MTUS2: variants seen among roughly 807,000 people sequenced by gnomAD.
MTUS2 encodes microtubule-associated tumor suppressor candidate 2.
A neutral mutation model predicts 114.1 loss-of-function variants in MTUS2; 40 were observed. That is an observed-to-expected ratio of 0.35 (90% CI 0.27 to 0.46). MTUS2 has a LOEUF of 0.46. MTUS2 is among the 20% of genes least tolerant of loss of function. The probability of loss-of-function intolerance (pLI) is 1.00; values close to 1 mark genes in which losing one functional copy is unlikely to be tolerated. For missense variants in MTUS2, 1,679 were observed against 1,705.4 expected, an observed-to-expected ratio of 0.98 and a Z score of 0.27; for synonymous variants, 688 against 672.0, an observed-to-expected ratio of 1.02 and a Z score of -0.37.
chr13:29,381,875 T>C (rs1872235868), intron 8 of MTUS2, among the ~76,000 whole-genome samples: 1 of 152,148 alleles, frequency 6.6e-6, no homozygotes, highest in Non-Finnish European at 1.5e-5. Context: ...AGTGAGAATA[T>C]AATGAGGGTG....
At chr13:29,115,293 G>GTACAT (rs1891044679) in intron 5 of MTUS2, among the ~76,000 whole-genome samples, 1 of 152,182 alleles carries the variant, frequency 6.6e-6, no homozygotes. Flanking sequence ...TATGCAGGTC[G>GTACAT]TACATTTGTG....
At chr13:29,043,401 C>G (rs1395116112) in intron 4 of MTUS2, among the ~76,000 whole-genome samples, 1 of 151,964 alleles carries the variant, frequency 6.6e-6, no homozygotes, top group African/African-American at 2.4e-5. Flanking sequence ...AATGTACATT[C>G]TGTAGTTGTT....
chr13:29,013,399 TA>T (rs1885933202), intron 2 of MTUS2, among the ~76,000 whole-genome samples: 1 of 152,174 alleles, frequency 6.6e-6, no homozygotes, highest in African/African-American at 2.4e-5. Context: ...AAACTAAATT[TA>T]AAAAAATTGC....
At chr13:29,483,235 G>A (rs1043968844) in intron 10 of MTUS2, among the ~76,000 whole-genome samples, 4 of 152,226 alleles carry the variant, frequency 2.6e-5, no homozygotes, top group African/African-American at 9.6e-5. Context: ...GCAGGGGCAG[G>A]TGCTGCTTCA....
intron 2 of MTUS2, among the ~76,000 whole-genome samples, chr13:28,863,921 C>T (rs546215222): frequency 6.6e-6 from 1 of 152,122 alleles, no homozygotes; most frequent in African/African-American, 2.4e-5. Context: ...GTCTTGAGCT[C>T]CTGGGCTCAA....
At chr13:29,121,881 A>C (rs1891325492) in intron 5 of MTUS2, among the ~76,000 whole-genome samples, 1 of 150,992 alleles carries the variant, frequency 6.6e-6, no homozygotes, top group African/African-American at 2.4e-5. Context: ...GTTGGTCTTG[A>C]CCTCCCAACC....
intron 9 of MTUS2, among the ~76,000 whole-genome samples, chr13:29,464,150 G>T (rs1879723396): frequency 6.6e-6 from 1 of 152,220 alleles, no homozygotes; most frequent in Non-Finnish European, 1.5e-5. Context: ...GATGTGGAAG[G>T]TGCCTGCAAG....
chr13:28,934,734 G>C (rs1403772424), intron 2 of MTUS2, among the ~76,000 whole-genome samples: 1 of 152,162 alleles, frequency 6.6e-6, no homozygotes, highest in African/African-American at 2.4e-5. Context: ...TGTTGGTCAG[G>C]CTGGTCTTGA....
chr13:28,876,086 TG>T (rs888221236), intron 2 of MTUS2, among the ~76,000 whole-genome samples: 1 of 152,222 alleles, frequency 6.6e-6, no homozygotes, highest in Non-Finnish European at 1.5e-5. Flanking sequence ...TTTCTGCCTT[TG>T]CCTCTGCCTT....
intron 11 of MTUS2, 76 bp downstream of exon 11, chr13:29,488,081 GC>G (rs761394736): frequency 2.9e-5 from 33 of 1,133,580 alleles, no homozygotes; most frequent in African/African-American, 4.6e-5. Context: ...GATGTGTGGA[GC>G]CCCCCTTCCT....
intron 10 of MTUS2, chr13:29,484,214 T>G (rs1881421907): frequency 6.6e-6 from 1 of 152,230 alleles, no homozygotes; most frequent in Non-Finnish European, 1.5e-5. Flanking sequence ...AGGAAATCAT[T>G]TTAGACTAAA....
chr13:29,453,348 G>A (rs1878873524), intron 9 of MTUS2, among the ~76,000 whole-genome samples: 1 of 152,212 alleles, frequency 6.6e-6, no homozygotes, highest in Non-Finnish European at 1.5e-5. Flanking sequence ...CTCTGGCCCA[G>A]GGATTAGCAC....
At chr13:28,879,998 G>GATA (rs1878191627) in intron 2 of MTUS2, among the ~76,000 whole-genome samples, 1 of 152,160 alleles carries the variant, frequency 6.6e-6, no homozygotes, top group Non-Finnish European at 1.5e-5. Context: ...GAAAGGACCT[G>GATA]ATATATTGAG....
intron 8 of MTUS2, among the ~76,000 whole-genome samples, chr13:29,425,960 C>G (rs559243763): frequency 6.6e-6 from 1 of 152,250 alleles, no homozygotes; most frequent in East Asian, 1.9e-4. Context: ...GTATAGAGCA[C>G]TCTAAACTCT....
chr13:29,325,857 C>T (rs9506139), intron 7 of MTUS2, among the ~76,000 whole-genome samples: 93,685 of 152,100 alleles, frequency 0.62, 29,626 homozygotes, highest in East Asian at 0.76. Flanking sequence ...TTAATTTGCC[C>T]AAAGTCACAG....
rs145527218 is a variant in MTUS2 at position 29,126,707 on chromosome 13, A to G, written c.2644+25737A>G. On this transcript the variant is annotated intron_variant, in intron 5 of 15. Coordinates refer to ENST00000612955, the MANE Select transcript of MTUS2 (RefSeq NM_001033602.4). ...GTGGCCCAAGACAATTCTTCTTTCA[A>G]TGTGGCCCAGGGAAGCTACATATTG... Among the ~76,000 whole-genome samples the G allele has an allele frequency of 1.0e-3, 156 of 152,042 alleles. 1 individual carries two copies. Among genetic ancestry groups the G allele is most frequent in the African/African-American group, 3.4e-3 (140 of 41,472 alleles).
At chr13:29,429,773 A>T (rs1478080821) in intron 8 of MTUS2, among the ~76,000 whole-genome samples, 1 of 152,194 alleles carries the variant, frequency 6.6e-6, no homozygotes, top group Admixed American at 6.5e-5. Context: ...ACTCATGTGG[A>T]CATCAGCTAT....
At chr13:29,490,857 A>G (rs570403405) in intron 11 of MTUS2, among the ~76,000 whole-genome samples, 8 of 152,278 alleles carry the variant, frequency 5.3e-5, no homozygotes, top group Non-Finnish European at 1.0e-4. Flanking sequence ...TGGGAGGGGA[A>G]GAAAATAGGA....
At position 28,877,462 on chromosome 13, in the gene MTUS2, G is replaced by T. The variant is rs912740048; in HGVS notation, c.-243+37612G>T. On this transcript the variant is annotated intron_variant, in intron 2 of 15. Transcript: ENST00000612955. ...TTTGCTTGCATATTACAGTCCAAGG[G>T]TTTATCCTTAGGAAAACTAAGAAAG... 4.6e-5 allele frequency among the ~76,000 whole-genome samples: 7 copies of T among 152,212 alleles called. No homozygotes were observed. The South Asian group carries it at 8.3e-4, about 18-fold the overall frequency.
Sources: allele counts gnomAD v4.1 joint callset (sites outside exome capture counted in the v4.1 genomes callset), GRCh38; gene constraint gnomAD v4.1.1; transcripts MANE v1.5; gene names NCBI Gene and HGNC (gene_info 2026-07-23, HGNC 2026-07-21).